FBXW7: variants seen among roughly 807,000 people sequenced by gnomAD.
FBXW7 encodes F-box/WD repeat-containing protein 7.
FBXW7 carries 11 observed loss-of-function variants against 86.3 expected under a neutral mutation model. The ratio of observed to expected loss-of-function variants is 0.13; its 90% CI spans 0.08 to 0.21. The LOEUF (loss-of-function observed/expected upper bound fraction) is 0.21. Ranked by LOEUF, FBXW7 falls within the 10% of genes least tolerant of loss-of-function variation. The pLI is 1.00. For missense variants in FBXW7, 488 were observed against 847.4 expected (o/e 0.58, Z 5.27); for synonymous variants, 313 against 297.9 (o/e 1.05, Z -0.52).
chr4:152,362,013 GA>G (rs1733007642), intron 4 of FBXW7, among the ~76,000 whole-genome samples: 1 of 133,052 alleles, frequency 7.5e-6, no homozygotes, highest in Non-Finnish European at 1.7e-5. Flanking sequence ...AAAAAGAAAA[GA>G]AAAAAGAAAG....
rs549944440 is a variant in FBXW7, at chr4:152,344,310, T to C, written c.726+2620A>G. Among the ~76,000 whole-genome samples the C allele has an allele frequency of 3.3e-5, 5 of 152,308 alleles. No individual in the cohort carries two copies. The South Asian group carries it at 8.3e-4, about 25-fold the overall frequency. On this transcript the variant is annotated intron_variant, in intron 6 of 13. Transcript: ENST00000281708. ...TTGGGTGTGTCAGAGACAGACATGG[T>C]ACTCAAAAGATGAAGGTCCTGATCT... is the stretch of plus-strand genomic sequence containing the variant.
chr4:152,528,567 GTGCTCAAACTGCAGA>G (rs1749739005), intron 2 of FBXW7, among the ~76,000 whole-genome samples: 2 of 152,284 alleles, frequency 1.3e-5, no homozygotes, highest in Admixed American at 1.3e-4. Context: ...TCCAGATCAA[GTGCTCAAACTGCAGA>G]TGCTCCCTCA....
rs1169241042 is a variant in FBXW7 at position 152,328,218 on chromosome 4, G to A, written c.1408C>T (p.His470Tyr). The A allele has an allele frequency of 6.3e-7, 1 of 1,583,994 alleles. No homozygotes were observed. The highest frequency in any genetic ancestry group is 2.3e-5 in the East Asian group (1 of 42,640). The change falls in exon 11 of 14, where the codon CAT becomes TAT. Residue 470 changes from histidine to tyrosine, a missense_variant. Around this residue, in one of 4 missense-constraint regions of FBXW7, gnomAD observed 142 missense variants for 406.6 expected, o/e 0.35. Coordinates refer to ENST00000281708, the MANE Select transcript of FBXW7 (RefSeq NM_001349798.2). ...AAGATTTTCCCTTACCTTTTTTCAT[G>A]AAGATGCATACAACGCACAGTGGAA... The part of the protein sequence containing the change: ...HTSTVRCMHL[H>Y]EKRVVSGSRD...
intron 4 of FBXW7, among the ~76,000 whole-genome samples, chr4:152,372,909 G>A (rs1314401881): frequency 3.3e-5 from 5 of 151,848 alleles, no homozygotes; most frequent in African/African-American, 1.2e-4. Flanking sequence ...GACAACTAGG[G>A]CACAACCCAA....
intron 2 of FBXW7, among the ~76,000 whole-genome samples, chr4:152,427,816 G>A (rs941596690): frequency 5.3e-5 from 8 of 152,130 alleles, no homozygotes; most frequent in Non-Finnish European, 1.2e-4. Context: ...AACTATCAGA[G>A]GAACATCATC....
At chr4:152,472,043 AC>A (rs1045872081) in intron 2 of FBXW7, among the ~76,000 whole-genome samples, 73 of 152,314 alleles carry the variant, frequency 4.8e-4, no homozygotes, top group South Asian at 2.3e-3. Context: ...AACAAAAAAA[AC>A]AAACCGATTT....
intron 3 of FBXW7, 75 bp from the exon 4 acceptor site, chr4:152,411,947 C>T (rs1738002689): frequency 1.3e-5 from 17 of 1,323,456 alleles, no homozygotes; most frequent in African/African-American, 1.5e-5. Flanking sequence ...TATATGTCTA[C>T]TTTCTAAATA....
chr4:152,473,576 C>T (rs1744144680), intron 2 of FBXW7, among the ~76,000 whole-genome samples: 1 of 152,160 alleles, frequency 6.6e-6, no homozygotes, highest in African/African-American at 2.4e-5. Flanking sequence ...CCTCAAACTC[C>T]TGGGCTCAAG....
chr4:152,387,624 AC>A (rs1418011807), intron 4 of FBXW7, among the ~76,000 whole-genome samples: 13 of 150,534 alleles, frequency 8.6e-5, no homozygotes, highest in African/African-American at 2.0e-4. Flanking sequence ...AAAAAAAAAA[AC>A]ATCCAGCAAG....
chr4:152,409,949 C>T (rs1016482092), intron 4 of FBXW7, among the ~76,000 whole-genome samples: 1 of 152,066 alleles, frequency 6.6e-6, no homozygotes, highest in African/African-American at 2.4e-5. Flanking sequence ...TCATCATACA[C>T]AAAATTTTAC....
At chr4:152,435,750 T>G (rs1337958682) in intron 2 of FBXW7, among the ~76,000 whole-genome samples, 6 of 152,246 alleles carry the variant, frequency 3.9e-5, no homozygotes, top group Non-Finnish European at 2.9e-5. Flanking sequence ...TTTTTAAAAA[T>G]TGGAAGTTTG....
intron 2 of FBXW7, among the ~76,000 whole-genome samples, chr4:152,463,506 T>A (rs1743145908): frequency 6.6e-6 from 1 of 151,620 alleles, no homozygotes; most frequent in African/African-American, 2.4e-5. Flanking sequence ...AGACAAGAAG[T>A]GGTCAGAGAT....
intron 2 of FBXW7, among the ~76,000 whole-genome samples, chr4:152,515,547 T>A (rs943351838): frequency 6.6e-6 from 1 of 152,208 alleles, no homozygotes; most frequent in Non-Finnish European, 1.5e-5. Flanking sequence ...GCAGTTTATA[T>A]CACCATAATT....
intron 2 of FBXW7, among the ~76,000 whole-genome samples, chr4:152,482,814 A>G (rs955097171): frequency 1.3e-5 from 2 of 152,168 alleles, no homozygotes; most frequent in Non-Finnish European, 2.9e-5. Flanking sequence ...TTACAGTGAT[A>G]TATTTTAGTT....
At position 152,482,983 on chromosome 4, in the gene FBXW7, C is replaced by G. The variant is rs185265243; in HGVS notation, c.-120+51958G>C. ...TCATGAATAATGTGGGATATTTTGC[C>G]ATACCTGGTCACAAAGATCTTATTC... On this transcript the variant is annotated intron_variant, in intron 2 of 13. Coordinates refer to ENST00000281708, the MANE Select transcript of FBXW7 (RefSeq NM_001349798.2). 5.9e-3 allele frequency among the ~76,000 whole-genome samples: 894 copies of G among 152,168 alleles called. 7 individuals carry two copies. The highest frequency in any genetic ancestry group is 0.02 in the African/African-American group (842 of 41,528).
At position 152,330,788 on chromosome 4, in the gene FBXW7, T is replaced by G. The variant is rs1729495623; in HGVS notation, c.1066A>C (p.Ile356Leu). 1.2e-6 allele frequency: 2 copies of G among 1,612,638 alleles called. No individual in the cohort carries two copies. Among genetic ancestry groups the G allele is most frequent in the Non-Finnish European group, 1.7e-6 (2 of 1,179,000 alleles). ...FIHSPWKSAYIRQHRIDTNWR... is the reference protein window; with the variant it reads ...FIHSPWKSAYLRQHRIDTNWR... ...TTAGTATCAATTCTGTGCTGTCTGA[T>G]GTATGCACTTTTCCATGGACTGTGT... Residue 356 changes from isoleucine (I) to leucine (L), a missense_variant, in exon 9 of 14, where the codon ATC (isoleucine) becomes CTC (leucine). Physicochemically the swap from Ile to Leu is conservative, Grantham distance 5. Around this residue, in one of 4 missense-constraint regions of FBXW7, gnomAD observed 57 missense variants for 62.8 expected, o/e 0.91. Coordinates refer to ENST00000281708, the MANE Select transcript of FBXW7 (RefSeq NM_001349798.2).
chr4:152,458,266 C>T (rs2149625361), intron 2 of FBXW7, among the ~76,000 whole-genome samples: 1 of 152,322 alleles, frequency 6.6e-6, no homozygotes, highest in African/African-American at 2.4e-5. Flanking sequence ...GATCCGCCCG[C>T]CTCAGCCTCC....
At chr4:152,422,844 TAG>T (rs1739064118) in intron 2 of FBXW7, among the ~76,000 whole-genome samples, 1 of 152,216 alleles carries the variant, frequency 6.6e-6, no homozygotes, top group Non-Finnish European at 1.5e-5. Context: ...TAAGCCTCCC[TAG>T]ATAACTATTA....
chr4:152,531,911 A>G (rs1483062534), intron 2 of FBXW7, among the ~76,000 whole-genome samples: 1 of 152,140 alleles, frequency 6.6e-6, no homozygotes, highest in Non-Finnish European at 1.5e-5. Flanking sequence ...AAAATACAGA[A>G]TAATATACCC....
Sources: gnomAD v4.1 joint callset for allele counts (sites outside exome capture counted in the v4.1 genomes callset) on GRCh38, gnomAD v4.1.1 for gene constraint, gnomAD v4.1.1 regional missense constraint, MANE v1.5 for transcripts, NCBI Gene and HGNC (gene_info 2026-07-23, HGNC 2026-07-21) for gene names.